Variants in RBFOX1 observed in about 807,000 individuals in gnomAD.
RBFOX1 encodes RNA binding protein fox-1 homolog 1.
A neutral mutation model predicts 57.7 loss-of-function variants in RBFOX1; 8 were observed. That is an observed-to-expected ratio of 0.14 (90% CI 0.08 to 0.25). The LOEUF (loss-of-function observed/expected upper bound fraction) is 0.25, where lower values mean the gene tolerates loss of function less well. RBFOX1 is among the 10% of genes least tolerant of loss of function. The pLI is 1.00. For missense variants in RBFOX1, 611 were observed against 548.5 expected (o/e 1.11, Z -1.14); for synonymous variants, 326 against 222.4 (o/e 1.47, Z -4.15).
chr16:6,068,297 A>T (rs911097222), intron 1 of RBFOX1, among the ~76,000 whole-genome samples: 2 of 152,192 alleles, frequency 1.3e-5, no homozygotes, highest in Admixed American at 6.5e-5. Context: ...GTGGCAGGCC[A>T]GGTCGCACTA....
chr16:5,248,956 C>A (rs1362520044), intron 1 of RBFOX1, among the ~76,000 whole-genome samples: 1 of 127,810 alleles, frequency 7.8e-6, no homozygotes, highest in African/African-American at 3.0e-5. Context: ...CCAGTGCACT[C>A]CAGCCTGGAC....
chr16:7,400,963 T>C (rs112732970), intron 4 of RBFOX1, among the ~76,000 whole-genome samples: 41 of 152,324 alleles, frequency 2.7e-4, no homozygotes, highest in African/African-American at 9.6e-4. Context: ...TTCTAATATG[T>C]TACCCTGCCA....
In RBFOX1 at chr16:7,044,062, T is replaced by C. The variant is rs1597876615; in HGVS notation, c.-15-7995T>C. The stretch of plus-strand genomic sequence containing the variant: ...TGTATTGTAATTATCCATAGACTCA[T>C]CTTTTTCCCCACCTAGACAATAGCT... On this transcript the variant is annotated intron_variant, in intron 3 of 15. Transcript: ENST00000550418. 2.6e-5 allele frequency among the ~76,000 whole-genome samples: 4 copies of C among 152,318 alleles called. 1 individual carries two copies. In the South Asian group the frequency reaches 8.3e-4, roughly 32 times the overall value.
chr16:6,800,300 G>A (rs1309534688), intron 3 of RBFOX1, among the ~76,000 whole-genome samples: 1 of 151,850 alleles, frequency 6.6e-6, no homozygotes, highest in Non-Finnish European at 1.5e-5. Context: ...CCTTAGTCCT[G>A]GGCCAACCAG....
At chr16:7,063,377 C>G (rs549881480) in intron 4 of RBFOX1, among the ~76,000 whole-genome samples, 3 of 152,226 alleles carry the variant, frequency 2.0e-5, no homozygotes, top group Admixed American at 1.3e-4. Context: ...ATCAGAGGAA[C>G]TTGTGATGTT....
intron 4 of RBFOX1, among the ~76,000 whole-genome samples, chr16:7,235,448 G>A (rs1226045351): frequency 6.6e-6 from 1 of 152,172 alleles, no homozygotes; most frequent in Non-Finnish European, 1.5e-5. Context: ...CAGTTTAGAT[G>A]AGGGACCTTT....
At chr16:5,892,499 G>A (rs2058068220) in intron 4 of RBFOX1, among the ~76,000 whole-genome samples, 1 of 152,170 alleles carries the variant, frequency 6.6e-6, no homozygotes, top group Non-Finnish European at 1.5e-5. Context: ...TTGGCTTGTA[G>A]TAAGAGTGGT....
chr16:5,656,693 C>G (rs1218207749), intron 3 of RBFOX1, among the ~76,000 whole-genome samples: 1 of 152,192 alleles, frequency 6.6e-6, no homozygotes, highest in East Asian at 1.9e-4. Context: ...TAGAAATAGT[C>G]TTCTCTTCAT....
chr16:5,813,636 T>C (rs1027162324), intron 3 of RBFOX1, among the ~76,000 whole-genome samples: 16 of 152,366 alleles, frequency 1.1e-4, no homozygotes, highest in Non-Finnish European at 2.9e-5. Flanking sequence ...TTAAGTGTTC[T>C]TTATATAACA....
chr16:6,679,502 C>G (rs952021107), intron 3 of RBFOX1, among the ~76,000 whole-genome samples: 1 of 152,068 alleles, frequency 6.6e-6, no homozygotes, highest in African/African-American at 2.4e-5. Context: ...GCTTCATGGT[C>G]GCATTCTGGA....
intron 2 of RBFOX1, among the ~76,000 whole-genome samples, chr16:5,508,916 C>T (rs560508546): frequency 2.0e-5 from 3 of 152,298 alleles, no homozygotes; most frequent in South Asian, 2.1e-4. Context: ...GGTTCTGCCG[C>T]GTCTCTCCAG....
intron 1 of RBFOX1, among the ~76,000 whole-genome samples, chr16:5,450,775 A>G (rs1222016436): frequency 6.6e-6 from 1 of 152,016 alleles, no homozygotes; most frequent in Non-Finnish European, 1.5e-5. Flanking sequence ...CCCCCTTGTG[A>G]CTTTGGGTAG....
intron 4 of RBFOX1, among the ~76,000 whole-genome samples, chr16:7,246,532 C>T (rs1013978384): frequency 6.6e-6 from 1 of 152,054 alleles, no homozygotes; most frequent in African/African-American, 2.4e-5. Flanking sequence ...TGTACCAAAC[C>T]ATGGTGGCAT....
chr16:5,631,298 C>T (rs969232533), intron 3 of RBFOX1, among the ~76,000 whole-genome samples: 7 of 152,140 alleles, frequency 4.6e-5, no homozygotes, highest in Non-Finnish European at 1.0e-4. Context: ...GTGGCTTACG[C>T]CTGTAATCCC....
At chr16:5,293,542 C>G (rs112198240) in intron 1 of RBFOX1, among the ~76,000 whole-genome samples, 6 of 152,152 alleles carry the variant, frequency 3.9e-5, no homozygotes, top group African/African-American at 1.4e-4. Context: ...CATGATGTTT[C>G]CAAGGTCCAT....
chr16:7,090,896 GACCAGCACA>G (rs1277456204), intron 4 of RBFOX1, among the ~76,000 whole-genome samples: 2 of 130,688 alleles, frequency 1.5e-5, no homozygotes, highest in African/African-American at 5.5e-5. Flanking sequence ...AACCTCCCTT[GACCAGCACA>G]AACTCCTGCT....
intron 3 of RBFOX1, among the ~76,000 whole-genome samples, chr16:5,751,090 A>G (rs2053182213): frequency 6.6e-6 from 1 of 152,106 alleles, no homozygotes; most frequent in Non-Finnish European, 1.5e-5. Context: ...AGATCTGCCC[A>G]CCTCGGCCTC....
At chr16:7,174,047 T>C (rs1251986608) in intron 4 of RBFOX1, among the ~76,000 whole-genome samples, 1 of 152,222 alleles carries the variant, frequency 6.6e-6, no homozygotes, top group Non-Finnish European at 1.5e-5. Context: ...TTATTGAGCA[T>C]CTGCTTTGTG....
chr16:6,807,093 C>G (rs952949769), intron 3 of RBFOX1, among the ~76,000 whole-genome samples: 1 of 151,756 alleles, frequency 6.6e-6, no homozygotes, highest in African/African-American at 2.4e-5. Context: ...TTCAGCCTCC[C>G]AAAGTGCTGG....
Sources: allele counts gnomAD v4.1 joint callset (sites outside exome capture counted in the v4.1 genomes callset), GRCh38; gene constraint gnomAD v4.1.1; transcripts MANE v1.5; gene names NCBI Gene and HGNC (gene_info 2026-07-23, HGNC 2026-07-21).